The following BTBD9 variants were observed in gnomAD, a reference collection of about 807,000 sequenced individuals.
BTBD9 encodes BTB/POZ domain-containing protein 9.
A neutral mutation model predicts 64.3 loss-of-function variants in BTBD9; 49 were observed. That is an observed-to-expected ratio of 0.76 (90% CI 0.61 to 0.97). BTBD9 has a LOEUF of 0.97. BTBD9 is among the 50% of genes least tolerant of loss of function. The pLI is 0.00. For synonymous variants in BTBD9, 260 were observed against 274.7 expected, an observed-to-expected ratio of 0.95 and a Z score of 0.53; for missense variants, 598 against 762.1, an observed-to-expected ratio of 0.78 and a Z score of 2.53.
intron 6 of BTBD9, among the ~76,000 whole-genome samples, chr6:38,446,444 C>A (rs936768279): frequency 6.6e-6 from 1 of 152,132 alleles, no homozygotes; most frequent in Admixed American, 6.5e-5. Context: ...TGTTGAGAGT[C>A]TGTCTCTACC....
chr6:38,483,737 C>T (rs1253861087), intron 6 of BTBD9, among the ~76,000 whole-genome samples: 1 of 152,160 alleles, frequency 6.6e-6, no homozygotes, highest in Non-Finnish European at 1.5e-5. Flanking sequence ...ACAGCCTTTA[C>T]TCTTGCTGTT....
At chr6:38,177,972 G>A (rs1271104885) in intron 10 of BTBD9, among the ~76,000 whole-genome samples, 1 of 152,196 alleles carries the variant, frequency 6.6e-6, no homozygotes, top group Admixed American at 6.5e-5. Context: ...CAAGTTAGGG[G>A]ACCCTGGAAG....
intron 10 of BTBD9, among the ~76,000 whole-genome samples, chr6:38,186,366 A>T (rs1761819517): frequency 6.6e-6 from 1 of 152,254 alleles, no homozygotes; most frequent in Non-Finnish European, 1.5e-5. Context: ...GATGATTATT[A>T]TAAGGGTCCT....
At chr6:38,545,845 CACACACACAT>C (rs1364807535) in intron 6 of BTBD9, among the ~76,000 whole-genome samples, 49 of 119,886 alleles carry the variant, frequency 4.1e-4, no homozygotes, top group African/African-American at 9.9e-4. Flanking sequence ...AAAACACACA[CACACACACAT>C]ACACACACAC....
intron 9 of BTBD9, among the ~76,000 whole-genome samples, chr6:38,219,802 C>T (rs1322539427): frequency 6.6e-6 from 1 of 152,160 alleles, no homozygotes; most frequent in Non-Finnish European, 1.5e-5. Context: ...ACCTAAAATA[C>T]ATATACAATT....
At chr6:38,604,021 T>TA (rs1461261101) in intron 1 of BTBD9, among the ~76,000 whole-genome samples, 3 of 152,222 alleles carry the variant, frequency 2.0e-5, no homozygotes, top group Non-Finnish European at 2.9e-5. Context: ...CTTCTCTTGA[T>TA]ATATACTCTA....
chr6:38,426,851 T>A (rs1338571987), intron 6 of BTBD9, among the ~76,000 whole-genome samples: 6 of 151,674 alleles, frequency 4.0e-5, no homozygotes, highest in Non-Finnish European at 5.9e-5. Context: ...TGCCACCATC[T>A]CGGAAGCAGC....
intron 6 of BTBD9, among the ~76,000 whole-genome samples, chr6:38,504,869 C>T (rs1183433625): frequency 6.6e-6 from 1 of 152,152 alleles, no homozygotes; most frequent in Non-Finnish European, 1.5e-5. Flanking sequence ...TGAATTAGGT[C>T]GATTCCGGTG....
intron 7 of BTBD9, among the ~76,000 whole-genome samples, chr6:38,336,858 C>G (rs756922848): frequency 2.0e-5 from 3 of 152,118 alleles, no homozygotes; most frequent in Non-Finnish European, 4.4e-5. Flanking sequence ...TCTTAAGATC[C>G]TTCAAGGCAG....
At position 38,187,383 on chromosome 6, in the gene BTBD9, A is replaced by G. The variant is rs529132318; in HGVS notation, c.1641+5136T>C. Among the ~76,000 whole-genome samples, 8 of 152,310 alleles carry G rather than the reference A, an allele frequency of 5.3e-5. No homozygotes were observed. The East Asian group carries it at 1.2e-3, about 22-fold the overall frequency. ...TAAAGTGACTGAGGAAATGGTCAAG[A>G]AGGACCTCCTTGGCCACAGGCAGTG... On this transcript the variant is annotated intron_variant, in intron 10 of 10. Coordinates refer to ENST00000481247, the MANE Select transcript of BTBD9 (RefSeq NM_001099272.2).
intron 7 of BTBD9, among the ~76,000 whole-genome samples, chr6:38,318,352 G>A (rs1763103629): frequency 6.6e-6 from 1 of 152,170 alleles, no homozygotes; most frequent in African/African-American, 2.4e-5. Context: ...TGAAGTGTTA[G>A]GTATTTCTTG....
chr6:38,293,990 C>A (rs1393491012), intron 7 of BTBD9, among the ~76,000 whole-genome samples: 1 of 152,042 alleles, frequency 6.6e-6, no homozygotes, highest in African/African-American at 2.4e-5. Context: ...AAACAAACAA[C>A]CCCATCAAAA....
intron 6 of BTBD9, among the ~76,000 whole-genome samples, chr6:38,378,009 G>A (rs189325894): frequency 6.6e-5 from 10 of 152,154 alleles, no homozygotes; most frequent in South Asian, 2.1e-4. Flanking sequence ...ATATGTCTGC[G>A]TTGTCTAAAT....
chr6:38,267,503 C>A (rs1483887186), intron 8 of BTBD9, among the ~76,000 whole-genome samples: 2 of 152,206 alleles, frequency 1.3e-5, no homozygotes, highest in African/African-American at 4.8e-5. Context: ...CATCCAGTGG[C>A]CCCTCCCTTC....
At chr6:38,367,799 CAAAAAAAAAAAAAAAAAAAA>C (rs575025737) in intron 6 of BTBD9, among the ~76,000 whole-genome samples, 1 of 84,296 alleles carries the variant, frequency 1.2e-5, no homozygotes, top group Non-Finnish European at 2.3e-5. Context: ...CCAGAAATGG[CAAAAAAAAAAAAAAAAAAAA>C]AAAAAAAAAA....
At chr6:38,183,234 C>T (rs1467323416) in intron 10 of BTBD9, among the ~76,000 whole-genome samples, 1 of 152,216 alleles carries the variant, frequency 6.6e-6, no homozygotes. Context: ...GCCTCGGCCT[C>T]CCAAAGTGCT....
chr6:38,439,847 C>T (rs1196996434), intron 6 of BTBD9, among the ~76,000 whole-genome samples: 59 of 152,310 alleles, frequency 3.9e-4, no homozygotes, highest in Non-Finnish European at 1.3e-4. Flanking sequence ...GCATATGCTA[C>T]TGTTCCACGT....
intron 9 of BTBD9, among the ~76,000 whole-genome samples, chr6:38,224,261 T>C (rs1207557311): frequency 6.6e-6 from 1 of 152,190 alleles, no homozygotes; most frequent in Non-Finnish European, 1.5e-5. Flanking sequence ...TAATAAGATT[T>C]GAGTCTCATA....
chr6:38,202,021 C>T (rs754992916), intron 9 of BTBD9, among the ~76,000 whole-genome samples: 1 of 150,622 alleles, frequency 6.6e-6, no homozygotes, highest in Non-Finnish European at 1.5e-5. Context: ...CTGCCCAAAA[C>T]AATATACAGA....
Sources: gnomAD v4.1 joint callset for allele counts (sites outside exome capture counted in the v4.1 genomes callset) on GRCh38, gnomAD v4.1.1 for gene constraint, MANE v1.5 for transcripts, NCBI Gene and HGNC (gene_info 2026-07-23, HGNC 2026-07-21) for gene names.